Variants in VWC2 observed in about 807,000 individuals in gnomAD.
VWC2 encodes brorin.
VWC2 carries 14 observed loss-of-function variants against 29.8 expected under a neutral mutation model. The observed-to-expected ratio is 0.47, with a 90% confidence interval of 0.31 to 0.74. The LOEUF is 0.74. Ranked by LOEUF, VWC2 falls within the 30% of genes least tolerant of loss-of-function variation. VWC2 has a pLI of 0.05. For missense variants in VWC2, 457 were observed against 459.8 expected (o/e 0.99, Z 0.05); for synonymous variants, 213 against 199.0 (o/e 1.07, Z -0.59).
At chr7:49,776,198 G>C (rs1455003141) in intron 2 of VWC2, 67 bp downstream of exon 2, 3 of 1,349,692 alleles carry the variant, frequency 2.2e-6, no homozygotes, top group Admixed American at 2.5e-5. Flanking sequence ...CTTTGGTTCT[G>C]TGGTCCCCCA....
chr7:49,796,321 G>C (rs1788589085), intron 2 of VWC2, among the ~76,000 whole-genome samples: 1 of 152,096 alleles, frequency 6.6e-6, no homozygotes, highest in African/African-American at 2.4e-5. Flanking sequence ...CCATTTGTCT[G>C]CTCATGAGTG....
At chr7:49,780,349 T>C (rs143351801) in intron 2 of VWC2, among the ~76,000 whole-genome samples, 6 of 152,208 alleles carry the variant, frequency 3.9e-5, no homozygotes, top group Non-Finnish European at 5.9e-5. Context: ...AGGGGCTGTA[T>C]TGAGCAGTTG....
At position 49,875,095 on chromosome 7, in the gene VWC2, G is replaced by A. The variant is rs375537822; in HGVS notation, c.827-36939G>A. On this transcript the variant is annotated intron_variant, in intron 3 of 3. Transcript: ENST00000340652. The stretch of plus-strand genomic sequence containing the variant: ...CATAAATAATAGTAAAAATTGGCCG[G>A]GCACGGTGGCTCATGCCTGTAATCC... Among the ~76,000 whole-genome samples the A allele has an allele frequency of 4.6e-5, 7 of 152,064 alleles. 1 individual carries two copies. The South Asian group carries it at 6.2e-4, about 14-fold the overall frequency.
chr7:49,799,206 A>G (rs1366915183), intron 2 of VWC2, among the ~76,000 whole-genome samples: 1 of 152,214 alleles, frequency 6.6e-6, no homozygotes, highest in African/African-American at 2.4e-5. Context: ...TGAGATGGTG[A>G]GGCAAGAAGG....
intron 3 of VWC2, 120 bp downstream of exon 3, chr7:49,802,960 A>C: frequency 7.9e-7 from 1 of 1,273,366 alleles, no homozygotes; most frequent in Non-Finnish European, 1.1e-6. Flanking sequence ...GTATCAATAC[A>C]CATGCGTACA....
intron 3 of VWC2, among the ~76,000 whole-genome samples, chr7:49,845,688 T>A (rs962111334): frequency 1.3e-5 from 2 of 152,158 alleles, no homozygotes; most frequent in African/African-American, 4.8e-5. Context: ...AAATTATAAT[T>A]CCTAATAAAA....
chr7:49,845,994 G>A (rs1309144274), intron 3 of VWC2, among the ~76,000 whole-genome samples: 1 of 152,226 alleles, frequency 6.6e-6, no homozygotes, highest in African/African-American at 2.4e-5. Flanking sequence ...GTACAGTCAT[G>A]ATAAAAGACG....
At chr7:49,840,664 A>G (rs953601222) in intron 3 of VWC2, among the ~76,000 whole-genome samples, 1 of 152,150 alleles carries the variant, frequency 6.6e-6, no homozygotes, top group African/African-American at 2.4e-5. Context: ...TTCCCATATT[A>G]CTAAGAAAAT....
intron 3 of VWC2, among the ~76,000 whole-genome samples, chr7:49,809,205 A>C (rs1788944177): frequency 6.6e-6 from 1 of 151,986 alleles, no homozygotes; most frequent in Non-Finnish European, 1.5e-5. Context: ...CATCATTACT[A>C]ACCCTACAAA....
intron 3 of VWC2, among the ~76,000 whole-genome samples, chr7:49,832,497 A>G (rs1221878864): frequency 1.3e-5 from 2 of 152,190 alleles, no homozygotes; most frequent in Middle Eastern, 3.2e-3. Context: ...AAGGAAGCAG[A>G]AACAGGGAAC....
intron 2 of VWC2, among the ~76,000 whole-genome samples, chr7:49,787,673 TGTCATGA>T (rs1788331005): frequency 6.6e-6 from 1 of 152,152 alleles, no homozygotes; most frequent in Non-Finnish European, 1.5e-5. Flanking sequence ...CACACACAAA[TGTCATGA>T]GTGGGTAGGT....
chr7:49,845,080 T>C (rs1789894810), intron 3 of VWC2, among the ~76,000 whole-genome samples: 1 of 151,900 alleles, frequency 6.6e-6, no homozygotes, highest in African/African-American at 2.4e-5. Flanking sequence ...AGCTGAACGA[T>C]GAGAACACAT....
At chr7:49,789,722 G>A (rs765230747) in intron 2 of VWC2, among the ~76,000 whole-genome samples, 4 of 152,160 alleles carry the variant, frequency 2.6e-5, no homozygotes, top group Non-Finnish European at 5.9e-5. Flanking sequence ...AATTTGTCAG[G>A]GAACCTTCTT....
chr7:49,886,926 T>TTG (rs1216060778), intron 3 of VWC2, among the ~76,000 whole-genome samples: 5 of 152,164 alleles, frequency 3.3e-5, no homozygotes, highest in Non-Finnish European at 7.3e-5. Context: ...TATGGGTCCT[T>TTG]TTTAGTTATT....
intron 2 of VWC2, among the ~76,000 whole-genome samples, chr7:49,798,990 G>A (rs1463926128): frequency 6.6e-6 from 1 of 152,218 alleles, no homozygotes; most frequent in African/African-American, 2.4e-5. Flanking sequence ...GTGAGCCAGC[G>A]AGACAGGACA....
chr7:49,877,487 T>TAC (rs1791481664), intron 3 of VWC2, among the ~76,000 whole-genome samples: 1 of 18,658 alleles, frequency 5.4e-5, no homozygotes, highest in African/African-American at 2.6e-4. Context: ...AAAAAATATA[T>TAC]ATATATATAT....
At chr7:49,911,989 A>C (rs1562770803) in intron 3 of VWC2, 45 bp from the exon 4 acceptor site, 1 of 1,495,114 alleles carries the variant, frequency 6.7e-7, no homozygotes, top group South Asian at 1.4e-5. Flanking sequence ...TATATATTAT[A>C]TATTTATGCA....
Position 49,775,431 on chromosome 7 carries a change from A to T in VWC2, c.-5A>T. 1.1e-5 allele frequency: 6 copies of T among 537,158 alleles called. No homozygotes were observed. Among genetic ancestry groups the T allele is most frequent in the East Asian group, 1.0e-4 (1 of 9,932 alleles). The allele number at this position is 537,158 out of a possible 1,614,324, so 33.3% of individuals were successfully genotyped here. On this transcript the variant is annotated 5_prime_UTR_variant, in exon 2 of 4. An upstream open reading frame in the 5' UTR loses its in-frame stop. Transcript: ENST00000340652. ...GCCCGCCCGCCCGCCGGGACGTGGT[A>T]GGGGATGCCCAGCTCCACTGCGATG... is the stretch of plus-strand genomic sequence containing the variant.
Position 49,775,349 on chromosome 7 carries a change from C to T in VWC2, c.-87C>T. On this transcript the variant is annotated 5_prime_UTR_variant, in exon 2 of 4. Transcript: ENST00000340652. ...TCTCCGCAGGGACGGCGGCTCCCGGCTGGCGGCGGCGCGCCCCCGGGCTGT... is the reference window on the plus strand; with the variant it reads ...TCTCCGCAGGGACGGCGGCTCCCGGTTGGCGGCGGCGCGCCCCCGGGCTGT... 2.7e-6 allele frequency: 3 copies of T among 1,117,102 alleles called. No individual in the cohort carries two copies. The South Asian group carries it at 8.9e-5, about 33-fold the overall frequency. The allele number at this position is 1,117,102 out of a possible 1,614,324, so 69.2% of individuals were successfully genotyped here.
Sources: gnomAD v4.1 joint callset for allele counts (sites outside exome capture counted in the v4.1 genomes callset) on GRCh38, gnomAD v4.1.1 for gene constraint, MANE v1.5 for transcripts, NCBI Gene and HGNC (gene_info 2026-07-23, HGNC 2026-07-21) for gene names.